Variants in TYW1B observed in about 807,000 individuals in gnomAD.
TYW1B encodes the protein S-adenosyl-L-methionine-dependent tRNA 4-demethylwyosine synthase TYW1B.
TYW1B carries 73 observed loss-of-function variants against 86.9 expected under a neutral mutation model. The ratio of observed to expected loss-of-function variants is 0.84; its 90% CI spans 0.70 to 1.02. The LOEUF is 1.02. TYW1B is among the 50% of genes least tolerant of loss of function. The pLI, the probability that TYW1B is intolerant of heterozygous loss-of-function variation, is 0.00. For missense variants in TYW1B, 637 were observed against 827.4 expected, an observed-to-expected ratio of 0.77 and a Z score of 2.82; for synonymous variants, 248 against 292.8, an observed-to-expected ratio of 0.85 and a Z score of 1.56.
At chr7:72,578,995 G>A (rs1215838215) in intron 13 of TYW1B, among the ~76,000 whole-genome samples, 1 of 151,778 alleles carries the variant, frequency 6.6e-6, no homozygotes, top group African/African-American at 2.4e-5. Flanking sequence ...ATAATTATTT[G>A]CCATGGGTGT....
intron 11 of TYW1B, among the ~76,000 whole-genome samples, chr7:72,648,607 G>A (rs1554442373): frequency 6.6e-6 from 1 of 150,398 alleles, no homozygotes; most frequent in Non-Finnish European, 1.5e-5. Flanking sequence ...GAGTAGAAAA[G>A]ACATGCCTTG....
chr7:72,805,996 T>A (rs568242047), intron 5 of TYW1B, among the ~76,000 whole-genome samples: 1 of 151,792 alleles, frequency 6.6e-6, no homozygotes, highest in South Asian at 2.1e-4. Context: ...GCAAGAGAAA[T>A]GCTCAGAATG....
At chr7:72,760,611 G>A (rs1787670636) in intron 7 of TYW1B, among the ~76,000 whole-genome samples, 1 of 152,176 alleles carries the variant, frequency 6.6e-6, no homozygotes, top group Non-Finnish European at 1.5e-5. Flanking sequence ...AGAGAAAGGA[G>A]TGCTCACATA....
chr7:72,750,539 T>A (rs1265049148), intron 7 of TYW1B, among the ~76,000 whole-genome samples: 1 of 152,214 alleles, frequency 6.6e-6, no homozygotes, highest in Non-Finnish European at 1.5e-5. Flanking sequence ...AGTATTGGTA[T>A]GGATTCTTTT....
At chr7:72,753,838 T>C (rs1403947006) in intron 7 of TYW1B, among the ~76,000 whole-genome samples, 1 of 151,308 alleles carries the variant, frequency 6.6e-6, no homozygotes, top group East Asian at 1.9e-4. Context: ...TTTAAATTAC[T>C]TTTTTTTTAG....
chr7:72,625,902 G>GT (rs1812336475), intron 12 of TYW1B, among the ~76,000 whole-genome samples: 3 of 119,668 alleles, frequency 2.5e-5, no homozygotes, highest in East Asian at 5.9e-4. Flanking sequence ...GGGGCGGGGG[G>GT]GGGGGAAGAA....
intron 11 of TYW1B, among the ~76,000 whole-genome samples, chr7:72,639,110 GA>G (rs1224316911): frequency 4.0e-5 from 6 of 151,824 alleles, no homozygotes; most frequent in Non-Finnish European, 5.9e-5. Flanking sequence ...ATTACTCTGA[GA>G]AAAAAAGTTA....
intron 9 of TYW1B, among the ~76,000 whole-genome samples, chr7:72,717,670 C>A (rs1177459944): frequency 1.3e-5 from 2 of 151,768 alleles, no homozygotes; most frequent in African/African-American, 4.9e-5. Context: ...CACACACACA[C>A]ACACACACTC....
chr7:72,799,322 C>T (rs1248346134), intron 6 of TYW1B, among the ~76,000 whole-genome samples: 1 of 150,706 alleles, frequency 6.6e-6, no homozygotes, highest in Non-Finnish European at 1.5e-5. Flanking sequence ...CTATGCCCGG[C>T]TAATTTTTTT....
At chr7:72,764,843 T>C (rs1371294126) in intron 7 of TYW1B, among the ~76,000 whole-genome samples, 1 of 152,220 alleles carries the variant, frequency 6.6e-6, no homozygotes, top group African/African-American at 2.4e-5. Flanking sequence ...CTTAAATATT[T>C]TGTCTTACAG....
At position 72,744,609 on chromosome 7, in the gene TYW1B, A is replaced by G. The variant is rs782629681; in HGVS notation, c.965-8T>C. The G allele has an allele frequency of 1.2e-6, 2 of 1,613,546 alleles. No homozygotes were observed. The highest frequency in any genetic ancestry group is 4.5e-5 in the East Asian group (2 of 44,870). ...TCTCCCTCGGAGCATCGACTATGAC[A>G]AGTAAACAAATCACAATTTGAATAA... On this transcript the variant is annotated splice_polypyrimidine_tract_variant and splice_region_variant and intron_variant, in intron 7 of 13. Coordinates refer to ENST00000620995, the MANE Select transcript of TYW1B (RefSeq NM_001145440.3).
rs1248216253 is a variant in TYW1B, at chr7:72,624,348, T to G, written c.1617+4539A>C. 2.0e-5 allele frequency among the ~76,000 whole-genome samples: 3 copies of G among 152,208 alleles called. No individual in the cohort carries two copies. The East Asian group carries it at 5.8e-4, about 29-fold the overall frequency. On this transcript the variant is annotated intron_variant, in intron 12 of 13. Coordinates refer to ENST00000620995, the MANE Select transcript of TYW1B (RefSeq NM_001145440.3). The stretch of plus-strand genomic sequence containing the variant: ...AACATTTCCCTCCCCTTCTCCCAAA[T>G]AGGTCACTGTAAACAATCTGACAGA...
chr7:72,614,019 G>C, intron 13 of TYW1B, among the ~76,000 whole-genome samples: 1 of 139,550 alleles, frequency 7.2e-6, no homozygotes, highest in African/African-American at 2.7e-5. Context: ...GTGGGGGGCA[G>C]GGGTGGGGAA....
At chr7:72,716,489 GTTGTGCCTCAGTTTTCA>G (rs1389692541) in intron 9 of TYW1B, among the ~76,000 whole-genome samples, 5 of 152,224 alleles carry the variant, frequency 3.3e-5, no homozygotes, top group African/African-American at 9.6e-5. Flanking sequence ...TCACTGCTCA[GTTGTGCCTCAGTTTTCA>G]GAAAGTGATT....
chr7:72,825,540 C>T (rs1269611056), intron 2 of TYW1B, among the ~76,000 whole-genome samples: 3 of 152,028 alleles, frequency 2.0e-5, no homozygotes, highest in African/African-American at 7.2e-5. Context: ...TTAGCCAGAG[C>T]GTGGTAGCAG....
chr7:72,729,604 T>C (rs1787067454), intron 8 of TYW1B, among the ~76,000 whole-genome samples: 1 of 151,720 alleles, frequency 6.6e-6, no homozygotes, highest in Non-Finnish European at 1.5e-5. Context: ...CAGAACCTTG[T>C]AGTCCAAAAA....
intron 12 of TYW1B, among the ~76,000 whole-genome samples, chr7:72,621,302 T>A (rs1478260082): frequency 1.3e-5 from 2 of 152,202 alleles, no homozygotes; most frequent in Non-Finnish European, 2.9e-5. Flanking sequence ...ATAAATGATT[T>A]TTTTTTCCCC....
intron 7 of TYW1B, among the ~76,000 whole-genome samples, chr7:72,770,516 A>C (rs550509523): frequency 6.6e-6 from 1 of 152,156 alleles, no homozygotes; most frequent in East Asian, 1.9e-4. Context: ...CCTAAAAGAC[A>C]ATACCACATG....
At chr7:72,783,695 C>G (rs1461590768) in intron 6 of TYW1B, among the ~76,000 whole-genome samples, 7 of 152,180 alleles carry the variant, frequency 4.6e-5, no homozygotes, top group African/African-American at 1.7e-4. Context: ...GGTGGAAAAG[C>G]AGCGTGCCCA....
Sources: gnomAD v4.1 joint callset for allele counts (sites outside exome capture counted in the v4.1 genomes callset) on GRCh38, gnomAD v4.1.1 for gene constraint, MANE v1.5 for transcripts, NCBI Gene and HGNC (gene_info 2026-07-23, HGNC 2026-07-21) for gene names.